NEK1: variants seen among roughly 807,000 people sequenced by gnomAD.
NEK1 encodes NIMA related kinase 1, also known as serine/threonine-protein kinase Nek1.
In NEK1, 137 loss-of-function variants were observed where a neutral mutation model predicts 182.1. That is an observed-to-expected ratio of 0.75 (90% CI 0.65 to 0.87). The LOEUF (loss-of-function observed/expected upper bound fraction) is 0.87, where lower values mean the gene tolerates loss of function less well. Among genes scored for constraint, NEK1 ranks in the 40% least tolerant of loss-of-function variants. The probability of loss-of-function intolerance (pLI) is 0.00; values close to 1 mark genes in which losing one functional copy is unlikely to be tolerated. For missense variants in NEK1, 1,391 were observed against 1,494.4 expected, an observed-to-expected ratio of 0.93 and a Z score of 1.14; for synonymous variants, 513 against 492.2, an observed-to-expected ratio of 1.04 and a Z score of -0.56.
At chr4:169,531,379 G>C (rs901925935) in intron 19 of NEK1, among the ~76,000 whole-genome samples, 2 of 151,972 alleles carry the variant, frequency 1.3e-5, no homozygotes, top group African/African-American at 4.8e-5. Flanking sequence ...GTCTGGCTAT[G>C]AACAGGAGGA....
At chr4:169,559,990 C>A (rs1208368444) in intron 16 of NEK1, among the ~76,000 whole-genome samples, 1 of 152,134 alleles carries the variant, frequency 6.6e-6, no homozygotes, top group Non-Finnish European at 1.5e-5. Flanking sequence ...GCCTGGGTAA[C>A]AAGAGCGAAA....
At chr4:169,507,234 CA>C in intron 22 of NEK1, 102 bp from the exon 23 acceptor site, 4 of 722,230 alleles carry the variant, frequency 5.5e-6, no homozygotes, top group Admixed American at 3.4e-5. Context: ...ACTTATTAGC[CA>C]AAAAAGAAGT....
intron 23 of NEK1, among the ~76,000 whole-genome samples, chr4:169,485,316 G>A (rs2149584108): frequency 6.6e-6 from 1 of 152,276 alleles, no homozygotes; most frequent in South Asian, 2.1e-4. Flanking sequence ...AGACAACTAA[G>A]TTACTGAAAA....
intron 26 of NEK1, among the ~76,000 whole-genome samples, chr4:169,469,979 G>A (rs1398492814): frequency 7.2e-6 from 1 of 139,574 alleles, no homozygotes; most frequent in African/African-American, 2.7e-5. Flanking sequence ...TCATTTGCTT[G>A]GTAAATATTC....
At chr4:169,546,956 G>A (rs1184107199) in intron 18 of NEK1, among the ~76,000 whole-genome samples, 1 of 152,188 alleles carries the variant, frequency 6.6e-6, no homozygotes, top group Non-Finnish European at 1.5e-5. Flanking sequence ...TGTTAATGCA[G>A]CATTTAGCCC....
chr4:169,525,401 A>G (rs1756745090), intron 19 of NEK1, among the ~76,000 whole-genome samples: 1 of 152,198 alleles, frequency 6.6e-6, no homozygotes, highest in Admixed American at 6.5e-5. Context: ...AAGTGCTGGG[A>G]TTACAGGCAT....
chr4:169,505,213 A>G (rs1047858951), intron 23 of NEK1, among the ~76,000 whole-genome samples: 5 of 151,990 alleles, frequency 3.3e-5, no homozygotes, highest in African/African-American at 1.2e-4. Flanking sequence ...AAAAAAAACA[A>G]TAAATATACA....
intron 30 of NEK1, 115 bp downstream of exon 30, chr4:169,426,031 G>C: frequency 1.4e-6 from 1 of 722,524 alleles, no homozygotes. Context: ...TTAAATGATT[G>C]AGATGACTGA....
At chr4:169,460,997 G>A (rs1743866276) in intron 27 of NEK1, among the ~76,000 whole-genome samples, 1 of 152,210 alleles carries the variant, frequency 6.6e-6, no homozygotes. Context: ...CATAAGAATT[G>A]GAAGACTAAA....
intron 27 of NEK1, among the ~76,000 whole-genome samples, chr4:169,452,020 A>G (rs2149469580): frequency 6.6e-6 from 1 of 152,350 alleles, no homozygotes; most frequent in Admixed American, 6.5e-5. Flanking sequence ...ATGCAGATAA[A>G]CTAGAAAATA....
At chr4:169,464,429 A>G (rs1233881597) in intron 26 of NEK1, among the ~76,000 whole-genome samples, 1 of 152,176 alleles carries the variant, frequency 6.6e-6, no homozygotes. Flanking sequence ...ATTCTATCAG[A>G]TAGCTTTTTA....
chr4:169,499,887 T>C (rs1752097058), intron 23 of NEK1, among the ~76,000 whole-genome samples: 2 of 152,210 alleles, frequency 1.3e-5, no homozygotes, highest in Admixed American at 6.5e-5. Context: ...TTCTCAGATC[T>C]GCAGCTGCGT....
intron 26 of NEK1, among the ~76,000 whole-genome samples, chr4:169,464,059 T>TC (rs1561234059): frequency 6.6e-6 from 1 of 152,204 alleles, no homozygotes; most frequent in Non-Finnish European, 1.5e-5. Flanking sequence ...AGTGTCACTG[T>TC]CTTGGCCACC....
intron 19 of NEK1, among the ~76,000 whole-genome samples, chr4:169,524,461 C>CAAAAAAA (rs953408098): frequency 2.6e-4 from 13 of 50,480 alleles, no homozygotes; most frequent in Non-Finnish European, 4.5e-4. Context: ...AATTCCATCT[C>CAAAAAAA]AAAAAAAAAA....
At position 169,525,665 on chromosome 4, in the gene NEK1, T is replaced by C. The variant is rs564187039; in HGVS notation, c.1665+12144A>G. ...TAGCCTTTTACTACTATGGTAAGAG[T>C]TGAACAGTTGTACAAAACACCATAT... On this transcript the variant is annotated intron_variant, in intron 19 of 35. Transcript: ENST00000507142. Among the ~76,000 whole-genome samples, 13 of 152,056 alleles carry C rather than the reference T, an allele frequency of 8.5e-5. No individual in the cohort carries two copies. The East Asian group carries it at 2.1e-3, about 25-fold the overall frequency.
intron 23 of NEK1, among the ~76,000 whole-genome samples, chr4:169,492,082 A>T (rs561260440): frequency 6.6e-6 from 1 of 152,240 alleles, no homozygotes; most frequent in Admixed American, 6.5e-5. Flanking sequence ...AGAAGAAGAA[A>T]GGAACAAAGG....
chr4:169,546,196 T>C (rs559227838), intron 18 of NEK1, among the ~76,000 whole-genome samples: 2 of 152,342 alleles, frequency 1.3e-5, no homozygotes, highest in East Asian at 1.9e-4. Context: ...TTTGTTCTCA[T>C]TGGTTTCAAA....
intron 31 of NEK1, among the ~76,000 whole-genome samples, chr4:169,422,618 G>A (rs954195969): frequency 5.3e-5 from 8 of 152,152 alleles, no homozygotes; most frequent in African/African-American, 1.9e-4. Flanking sequence ...GGGCAGGGAT[G>A]GTTTTGTGTT....
Position 169,424,489 on chromosome 4 carries a change from A to T in NEK1, c.3222+64T>A, listed in dbSNP as rs72691050. 6,673 of 1,476,536 alleles carry T rather than the reference A, an allele frequency of 4.5e-3. 63 individuals carry two copies. Among genetic ancestry groups the T allele is most frequent in the Middle Eastern group, 0.024 (133 of 5,500 alleles). The allele number at this position is 1,476,536 out of a possible 1,614,324, so 91.5% of individuals were successfully genotyped here. A position where few individuals can be genotyped will look rare whatever the true frequency, so the allele number is the denominator to read the frequency against. On this transcript the variant is annotated intron_variant, in intron 31 of 35. Coordinates refer to ENST00000507142, the MANE Select transcript of NEK1 (RefSeq NM_001199397.3). ...ATTAAAACTCAATATTATGGTTTAT[A>T]AAAGAAAAACAATAATACATGTTAT...
Sources: gnomAD v4.1 joint callset for allele counts (sites outside exome capture counted in the v4.1 genomes callset) on GRCh38, gnomAD v4.1.1 for gene constraint, MANE v1.5 for transcripts, NCBI Gene and HGNC (gene_info 2026-07-23, HGNC 2026-07-21) for gene names.